Variants in DLEU7 observed in about 807,000 individuals in gnomAD.
DLEU7 encodes the protein leukemia-associated protein 7.
Under a neutral mutation model 16.0 loss-of-function variants are expected in DLEU7, and 17 were observed. The observed-to-expected ratio is 1.06, with a 90% CI of 0.73 to 1.59. DLEU7 has a LOEUF of 1.59. Ranked by LOEUF, DLEU7 falls within the 40% of genes most tolerant of loss-of-function variation. The pLI is 0.00. For synonymous variants in DLEU7, 113 were observed against 139.8 expected, an observed-to-expected ratio of 0.81 and a Z score of 1.35; for missense variants, 308 against 314.9, an observed-to-expected ratio of 0.98 and a Z score of 0.17.
chr13:50,742,645 T>C (rs1246435259), intron 1 of DLEU7, among the ~76,000 whole-genome samples: 1 of 152,082 alleles, frequency 6.6e-6, no homozygotes, highest in Non-Finnish European at 1.5e-5. Flanking sequence ...CAAATACTGA[T>C]GAGGTGGATG....
At position 50,726,532 on chromosome 13, in the gene DLEU7, T is replaced by G. The variant is rs1159372795; in HGVS notation, c.460-13292A>C. Among the ~76,000 whole-genome samples, 7 of 152,172 alleles carry G rather than the reference T, an allele frequency of 4.6e-5. No individual in the cohort carries two copies. The East Asian group carries it at 1.3e-3, about 29-fold the overall frequency. ...TAAGGGTAAACGTTGCATTTTCAAA[T>G]CACAAAAGTTTTTGCCAAAATTCAC... On this transcript the variant is annotated intron_variant, in intron 1 of 1. Transcript: ENST00000400393. This position sits in a 1 kb window ranked among gnomAD's most constrained non-coding sequence, Gnocchi z 4.0.
intron 1 of DLEU7, among the ~76,000 whole-genome samples, chr13:50,834,381 T>C (rs1465966993): frequency 1.3e-5 from 2 of 151,484 alleles, no homozygotes; most frequent in Admixed American, 1.3e-4. Flanking sequence ...GAAAAGGATA[T>C]GAACAGACAC....
At chr13:50,815,980 CATTTAA>C (rs966787982) in intron 1 of DLEU7, among the ~76,000 whole-genome samples, 5 of 152,152 alleles carry the variant, frequency 3.3e-5, no homozygotes, top group Admixed American at 6.6e-5. Flanking sequence ...TCATGGTAAA[CATTTAA>C]ATTTAATTAA....
intron 1 of DLEU7, among the ~76,000 whole-genome samples, chr13:50,792,696 G>T (rs1350214885): frequency 6.6e-6 from 1 of 151,986 alleles, no homozygotes; most frequent in East Asian, 1.9e-4. Flanking sequence ...TGTTGATAAG[G>T]TGTGCAAGAA....
intron 1 of DLEU7, among the ~76,000 whole-genome samples, chr13:50,757,571 A>G (rs73493737): frequency 0.033 from 5,040 of 152,168 alleles, 171 homozygotes; most frequent in African/African-American, 0.09. Flanking sequence ...TCACACCTTC[A>G]GTCTAGGTTT....
chr13:50,765,128 C>G (rs1051233521), intron 1 of DLEU7, among the ~76,000 whole-genome samples: 57 of 152,146 alleles, frequency 3.7e-4, no homozygotes, highest in Admixed American at 2.4e-3. Context: ...GGTGATCCAC[C>G]TATCTCAGCC....
At chr13:50,790,686 G>A (rs1310254357) in intron 1 of DLEU7, among the ~76,000 whole-genome samples, 1 of 152,054 alleles carries the variant, frequency 6.6e-6, no homozygotes, top group African/African-American at 2.4e-5. Flanking sequence ...CGTGCTGGCT[G>A]GGGTAGGAAG....
At chr13:50,768,734 G>A (rs1367194922) in intron 1 of DLEU7, among the ~76,000 whole-genome samples, 5 of 152,096 alleles carry the variant, frequency 3.3e-5, no homozygotes, top group East Asian at 3.9e-4. Context: ...GAATAGTGCC[G>A]CAATAAACAT....
rs576873509 is a variant in DLEU7 at position 50,825,139 on chromosome 13, A to G, written c.460-1619T>C. Reference sequence around the variant, plus strand: ...GATGATAATTTTTTTTAGTTTAGTCAAATAATTAGTCATCCTTAAGTATTT... The same window carrying G: ...GATGATAATTTTTTTTAGTTTAGTCGAATAATTAGTCATCCTTAAGTATTT... On this transcript the variant is annotated intron_variant, in intron 1 of 1. Coordinates refer to ENST00000504404, the MANE Select transcript of DLEU7 (RefSeq NM_001306135.2). 2.0e-5 allele frequency among the ~76,000 whole-genome samples: 3 copies of G among 152,148 alleles called. No homozygotes were observed. The East Asian group carries it at 5.8e-4, about 29-fold the overall frequency.
chr13:50,789,313 G>T (rs1030819222), intron 1 of DLEU7, among the ~76,000 whole-genome samples: 1 of 149,958 alleles, frequency 6.7e-6, no homozygotes, highest in African/African-American at 2.5e-5. Context: ...AACAACCCAT[G>T]TAACCTCTCA....
chr13:50,742,060 A>G (rs75319071), intron 1 of DLEU7, among the ~76,000 whole-genome samples: 6,672 of 152,234 alleles, frequency 0.044, 188 homozygotes, highest in Non-Finnish European at 0.059. Flanking sequence ...AATTTAAGCC[A>G]TATTTATTTT....
At chr13:50,825,193 TTA>T (rs1472900975) in intron 1 of DLEU7, among the ~76,000 whole-genome samples, 1 of 152,202 alleles carries the variant, frequency 6.6e-6, no homozygotes, top group Non-Finnish European at 1.5e-5. Context: ...AAAAATTATT[TTA>T]TGATTGGCAA....
At chr13:50,716,874 GC>G (rs1364765270) in intron 1 of DLEU7, among the ~76,000 whole-genome samples, 1 of 152,102 alleles carries the variant, frequency 6.6e-6, no homozygotes, top group Non-Finnish European at 1.5e-5. Context: ...GACAATAATT[GC>G]CTCTAGGTAG....
rs778536502 is a variant in DLEU7, at chr13:50,713,198, A to G, written c.*19T>C. 5 of 1,609,942 alleles carry G rather than the reference A, an allele frequency of 3.1e-6. No homozygotes were observed. In the South Asian group the frequency reaches 5.6e-5, roughly 18 times the overall value. ...ATATGAAGCTCCTGATGGTCCTCAC[A>G]CTCCTACAGTGACCTTCTTCACTCA... On this transcript the variant is annotated 3_prime_UTR_variant, in exon 2 of 2. Coordinates refer to the DLEU7 transcript ENST00000400393.
intron 1 of DLEU7, among the ~76,000 whole-genome samples, chr13:50,783,836 T>C (rs1875724310): frequency 6.6e-6 from 1 of 152,098 alleles, no homozygotes; most frequent in South Asian, 2.1e-4. Flanking sequence ...CAGTCCCTGA[T>C]CCCTGCCATA....
chr13:50,735,099 AT>A (rs981880253), intron 1 of DLEU7, among the ~76,000 whole-genome samples: 7 of 152,192 alleles, frequency 4.6e-5, no homozygotes, highest in African/African-American at 1.7e-4. Context: ...CTCCAGGAAG[AT>A]TTTTAGTTAT....
intron 1 of DLEU7, among the ~76,000 whole-genome samples, chr13:50,800,045 T>C (rs1876205417): frequency 6.6e-6 from 1 of 152,234 alleles, no homozygotes; most frequent in Non-Finnish European, 1.5e-5. Context: ...GAAGGCTTCA[T>C]GCAGGAGATG....
At chr13:50,821,895 C>T (rs564167165), downstream of DLEU7, among the ~76,000 whole-genome samples, 5 of 152,256 alleles carry the variant, frequency 3.3e-5, no homozygotes, top group African/African-American at 9.6e-5. Context: ...CAGAATACAA[C>T]GTTTCTTAGG....
At chr13:50,822,585 T>A (rs1307425869), downstream of DLEU7, 2 of 970,722 alleles carry the variant, frequency 2.1e-6, no homozygotes, top group African/African-American at 3.5e-5. Context: ...TTAAAGAATT[T>A]CCTACTTCAA....
Sources: allele counts gnomAD v4.1 joint callset (sites outside exome capture counted in the v4.1 genomes callset), GRCh38; gene constraint gnomAD v4.1.1; non-coding constraint Gnocchi (gnomAD v3.1); transcripts MANE v1.5; gene names NCBI Gene and HGNC (gene_info 2026-07-23, HGNC 2026-07-21).